The following PPP1R9A variants were observed in gnomAD, a reference collection of about 807,000 sequenced individuals.
The protein encoded by PPP1R9A is protein phosphatase 1 regulatory subunit 9A.
In PPP1R9A, 59 loss-of-function variants were observed where a neutral mutation model predicts 141.9. The ratio of observed to expected loss-of-function variants is 0.42; its 90% CI spans 0.34 to 0.52. The LOEUF (loss-of-function observed/expected upper bound fraction) is 0.52. PPP1R9A is among the 20% of genes least tolerant of loss of function. The pLI is 0.10. For missense variants in PPP1R9A, 1,444 were observed against 1,611.9 expected (o/e 0.90, Z 1.78); for synonymous variants, 500 against 569.7 (o/e 0.88, Z 1.74).
chr7:95,183,918 G>A (rs933563839), intron 5 of PPP1R9A, among the ~76,000 whole-genome samples: 2 of 151,736 alleles, frequency 1.3e-5, no homozygotes, highest in African/African-American at 4.8e-5. Context: ...ACCCAGGCTG[G>A]AGTGCAGTGG....
At chr7:95,175,781 C>G (rs935026061) in intron 5 of PPP1R9A, among the ~76,000 whole-genome samples, 1 of 152,016 alleles carries the variant, frequency 6.6e-6, no homozygotes, top group African/African-American at 2.4e-5. Flanking sequence ...CACTTTTATC[C>G]CTAGCATATG....
intron 5 of PPP1R9A, among the ~76,000 whole-genome samples, chr7:95,195,296 C>G (rs897252874): frequency 8.2e-6 from 1 of 122,638 alleles, no homozygotes. Context: ...TTTTTTTTTT[C>G]TTGAGACAGG....
intron 12 of PPP1R9A, 144 bp from the exon 13 acceptor site, chr7:95,268,406 T>G: frequency 2.6e-6 from 2 of 778,796 alleles, no homozygotes; most frequent in Non-Finnish European, 4.0e-6. Context: ...ATTTCTTGGT[T>G]ATTTCTTGGT....
intron 5 of PPP1R9A, among the ~76,000 whole-genome samples, chr7:95,195,745 GAT>G (rs1246892544): frequency 6.6e-6 from 1 of 151,500 alleles, no homozygotes; most frequent in African/African-American, 2.4e-5. Flanking sequence ...CATGGACAAG[GAT>G]ATGTGTCAAG....
intron 5 of PPP1R9A, among the ~76,000 whole-genome samples, chr7:95,165,200 G>A (rs755567361): frequency 6.6e-6 from 1 of 151,970 alleles, no homozygotes; most frequent in Non-Finnish European, 1.5e-5. Flanking sequence ...TTTCTTTTGG[G>A]TTTTCTACTG....
chr7:95,158,153 A>G (rs535405335), intron 4 of PPP1R9A, among the ~76,000 whole-genome samples: 27 of 152,370 alleles, frequency 1.8e-4, no homozygotes, highest in African/African-American at 6.0e-4. Context: ...TAGGGAACCT[A>G]CAAACATGAT....
intron 18 of PPP1R9A, chr7:95,287,099 C>T: frequency 6.2e-7 from 1 of 1,610,770 alleles, no homozygotes; most frequent in Non-Finnish European, 8.5e-7. Flanking sequence ...TTTTATTGCT[C>T]CCTCACTCAG....
At chr7:95,270,494 A>G (rs854526) in intron 14 of PPP1R9A, among the ~76,000 whole-genome samples, 76,055 of 151,888 alleles carry the variant, frequency 0.5, 19,357 homozygotes, top group Middle Eastern at 0.62. Context: ...AGTGGAAATT[A>G]GGATGGAGAA....
At chr7:95,088,431 C>T (rs1456353062) in intron 2 of PPP1R9A, among the ~76,000 whole-genome samples, 1 of 151,806 alleles carries the variant, frequency 6.6e-6, no homozygotes, top group Non-Finnish European at 1.5e-5. Flanking sequence ...GAAAGTTTCA[C>T]TGAAGTTCAT....
At chr7:95,269,580 T>A in intron 14 of PPP1R9A, 73 bp downstream of exon 14, 1 of 1,247,854 alleles carries the variant, frequency 8.0e-7, no homozygotes, top group Non-Finnish European at 1.1e-6. Context: ...TTTCTCATAA[T>A]CATAAGTCAT....
intron 2 of PPP1R9A, among the ~76,000 whole-genome samples, chr7:95,027,365 G>T (rs1186073798): frequency 2.6e-5 from 4 of 152,056 alleles, no homozygotes; most frequent in Non-Finnish European, 5.9e-5. Flanking sequence ...GCACTTCCTG[G>T]GTGAGGTGAT....
intron 16 of PPP1R9A, among the ~76,000 whole-genome samples, chr7:95,282,773 C>T (rs1021113670): frequency 2.6e-5 from 4 of 152,190 alleles, no homozygotes; most frequent in African/African-American, 9.6e-5. Flanking sequence ...TCTTCATTCT[C>T]TTCAGTTATC....
At chr7:95,033,231 G>A (rs541946189) in intron 2 of PPP1R9A, among the ~76,000 whole-genome samples, 1 of 145,106 alleles carries the variant, frequency 6.9e-6, no homozygotes, top group East Asian at 2.0e-4. Context: ...AGCCAGGATG[G>A]TCTCGATCTC....
In PPP1R9A at chr7:95,240,261, G is replaced by C. The variant is rs149345797; in HGVS notation, c.2113-7212G>C. On this transcript the variant is annotated intron_variant, in intron 8 of 19. Transcript: ENST00000433360. ...AAGCTTGCATTTGGATGCTTGTATT[G>C]TTTTCACCTTGTACTTTAAAAATCT... is the stretch of plus-strand genomic sequence containing the variant. 4.3e-3 allele frequency among the ~76,000 whole-genome samples: 651 copies of C among 152,090 alleles called. 4 individuals carry two copies. Among genetic ancestry groups the C allele is most frequent in the African/African-American group, 0.014 (587 of 41,530 alleles).
chr7:95,189,455 G>C (rs1210638880), intron 5 of PPP1R9A, among the ~76,000 whole-genome samples: 3 of 24,152 alleles, frequency 1.2e-4, no homozygotes, highest in African/African-American at 5.0e-4. Flanking sequence ...TTTTTTTTTT[G>C]AGACGGAGTC....
chr7:94,980,064 T>C (rs957778645), intron 2 of PPP1R9A, among the ~76,000 whole-genome samples: 7 of 152,130 alleles, frequency 4.6e-5, no homozygotes, highest in South Asian at 2.1e-4. Context: ...GTTCTTAAAA[T>C]TTGGCCACAA....
intron 16 of PPP1R9A, among the ~76,000 whole-genome samples, chr7:95,282,832 T>C (rs1804531582): frequency 6.6e-6 from 1 of 152,260 alleles, no homozygotes; most frequent in South Asian, 2.1e-4. Context: ...GTTTACAAGA[T>C]GCTTTTACAT....
At position 95,288,710 on chromosome 7, in the gene PPP1R9A, A is replaced by G. The variant is rs746802576; in HGVS notation, c.3904A>G (p.Lys1302Glu). 1.2e-6 allele frequency: 2 copies of G among 1,613,784 alleles called. No individual in the cohort carries two copies. The highest frequency in any genetic ancestry group is 3.3e-5 in the Admixed American group (2 of 59,968). Residue 1302 changes from lysine (K) to glutamate (E), a missense_variant, in exon 19 of 20, where the codon AAA becomes GAA. Around this residue, in one of 5 missense-constraint regions of PPP1R9A, gnomAD observed 459 missense variants for 513.8 expected, o/e 0.89. Transcript: ENST00000433360. ...ACAGCTCCTGCAGTTGGATGGAAAT[A>G]AACTTAAGGTAAAGAATTATATGTC... The part of the protein sequence containing the change: ...GEQLLQLDGN[K>E]LKALGMTASQ...
intron 4 of PPP1R9A, among the ~76,000 whole-genome samples, chr7:95,139,127 C>T (rs1202436614): frequency 1.3e-5 from 2 of 152,102 alleles, no homozygotes; most frequent in Non-Finnish European, 2.9e-5. Flanking sequence ...TGAAGAAATA[C>T]CCAAGGCTGG....
Sources: allele counts gnomAD v4.1 joint callset (sites outside exome capture counted in the v4.1 genomes callset), GRCh38; gene constraint gnomAD v4.1.1; regional missense constraint gnomAD v4.1.1; transcripts MANE v1.5; gene names NCBI Gene and HGNC (gene_info 2026-07-23, HGNC 2026-07-21).